The following ZNF879 variants were observed in gnomAD, a reference collection of about 807,000 sequenced individuals.
The protein encoded by ZNF879 is zinc finger protein 879.
A neutral mutation model predicts 44.3 loss-of-function variants in ZNF879; 32 were observed. The ratio of observed to expected loss-of-function variants is 0.72; its 90% CI spans 0.54 to 0.97. The LOEUF is 0.97. Ranked by LOEUF, ZNF879 falls within the 50% of genes least tolerant of loss-of-function variation. The pLI, the probability that ZNF879 is intolerant of heterozygous loss-of-function variation, is 0.00. For synonymous variants in ZNF879, 234 were observed against 233.2 expected, an observed-to-expected ratio of 1.00 and a Z score of -0.03; for missense variants, 621 against 669.7, an observed-to-expected ratio of 0.93 and a Z score of 0.80.
Position 179,033,935 on chromosome 5 carries a change from C to A in ZNF879, c.*295C>A, listed in dbSNP as rs557745312. 10 of 226,892 alleles carry A rather than the reference C, an allele frequency of 4.4e-5. No homozygotes were observed. Among genetic ancestry groups the A allele is most frequent in the African/African-American group, 2.3e-4 (10 of 44,190 alleles). The allele number at this position is 226,892 out of a possible 1,614,324, so 14.1% of individuals were successfully genotyped here. A position where few individuals can be genotyped will look rare whatever the true frequency, so the allele number is the denominator to read the frequency against. On this transcript the variant is annotated 3_prime_UTR_variant, in exon 5 of 5. Coordinates refer to ENST00000444149, the MANE Select transcript of ZNF879 (RefSeq NM_001136116.3). ...ATGTACGATAACAGCCACCAGCTTT[C>A]CTGAGCATCACTGGGAAGCCTGCTG...
At chr5:179,024,743 C>T (rs1162919235) in intron 1 of ZNF879, 1 of 520,612 alleles carries the variant, frequency 1.9e-6, no homozygotes, top group South Asian at 2.7e-5. Context: ...CCCTTCGCTC[C>T]TTTCGTCTTT....
At chr5:179,026,296 A>G (rs1057506448) in intron 2 of ZNF879, among the ~76,000 whole-genome samples, 3 of 152,162 alleles carry the variant, frequency 2.0e-5, no homozygotes, top group African/African-American at 7.2e-5. Context: ...GGTGACCAGG[A>G]TGCTGTTATT....
intron 3 of ZNF879, 50 bp from the exon 4 acceptor site, chr5:179,027,974 TGGGGCTGG>T: frequency 1.4e-6 from 2 of 1,477,360 alleles, no homozygotes; most frequent in Non-Finnish European, 1.9e-6. Context: ...CTGGGCACTC[TGGGGCTGG>T]ACCCGCCTGC....
rs184444586 is a variant in ZNF879, at chr5:179,025,842, G to A, written c.33+805G>A. Among the ~76,000 whole-genome samples, 1,490 of 152,096 alleles carry A rather than the reference G, an allele frequency of 9.8e-3. 23 individuals carry two copies. Among genetic ancestry groups the A allele is most frequent in the African/African-American group, 0.034 (1,419 of 41,496 alleles). Reference sequence around the variant, plus strand: ...TGAGGCAGGAGAATCACTTGAACCCGGGAGGCAGGGGTTGAAGCGAGCGGA... The same window carrying A: ...TGAGGCAGGAGAATCACTTGAACCCAGGAGGCAGGGGTTGAAGCGAGCGGA... On this transcript the variant is annotated intron_variant, in intron 2 of 4. Coordinates refer to ENST00000444149, the MANE Select transcript of ZNF879 (RefSeq NM_001136116.3).
intron 4 of ZNF879, among the ~76,000 whole-genome samples, chr5:179,030,523 A>G (rs956152137): frequency 6.6e-6 from 1 of 152,224 alleles, no homozygotes; most frequent in Non-Finnish European, 1.5e-5. Context: ...ACATGGAGAG[A>G]AGCTCATGAT....
At position 179,033,102 on chromosome 5, in the gene ZNF879, C is replaced by G. The variant is rs1761480912; in HGVS notation, c.1154C>G (p.Ser385Ter). 6.4e-7 allele frequency: 1 copy of G among 1,574,346 alleles called. No homozygotes were observed. Among genetic ancestry groups the G allele is most frequent in the African/African-American group, 1.4e-5 (1 of 73,532 alleles). ...NECGKVFSYH[S>*]ALIIHQRIHT... is the part of the protein sequence containing the mutation. ...TGTGGAAAAGTATTCAGCTATCACT[C>G]AGCCCTTATCATACATCAGAGAATT... The change falls in exon 5 of 5, where the codon TCA becomes TGA. Residue 385 changes from serine to a stop codon, truncating the protein, a stop_gained. Transcript: ENST00000444149. LOFTEE classifies it high-confidence loss of function.
At chr5:179,027,395 A>T in intron 2 of ZNF879, 78 bp from the exon 3 acceptor site, 2 of 1,569,838 alleles carry the variant, frequency 1.3e-6, no homozygotes, top group Non-Finnish European at 1.7e-6. Context: ...TAGAACCCTA[A>T]GTTGTGACAG....
chr5:179,030,715 TATG>T (rs1761394285), intron 4 of ZNF879, among the ~76,000 whole-genome samples: 1 of 151,908 alleles, frequency 6.6e-6, no homozygotes, highest in African/African-American at 2.4e-5. Flanking sequence ...GTGTTTTTCT[TATG>T]ATGATATATT....
In ZNF879 at chr5:179,032,912, G is replaced by A. The variant is rs772528683; in HGVS notation, c.964G>A (p.Gly322Arg). 3 of 1,570,202 alleles carry A rather than the reference G, an allele frequency of 1.9e-6. No homozygotes were observed. In the South Asian group the frequency reaches 3.5e-5, roughly 18 times the overall value. ...GAAGCCCTATAAGTGTAATGAATGT[G>A]GGAGGGCCTTCAGTCAGTGCTCATC... ...GEKPYKCNECGRAFSQCSSLI... is the reference protein window; with the variant it reads ...GEKPYKCNECRRAFSQCSSLI... Residue 322 changes from glycine to arginine, a missense_variant, in exon 5 of 5, where the codon GGG becomes AGG. Physicochemically the swap from Gly to Arg is moderately radical, Grantham distance 125 (BLOSUM62 -2). Transcript: ENST00000444149.
At chr5:179,031,190 G>C (rs1246652726) in intron 4 of ZNF879, among the ~76,000 whole-genome samples, 2 of 152,146 alleles carry the variant, frequency 1.3e-5, no homozygotes, top group Non-Finnish European at 2.9e-5. Context: ...CAACCAGAGT[G>C]ATCCTTTTTA....
At position 179,032,344 on chromosome 5, in the gene ZNF879, CA is replaced by C; in HGVS notation, c.401del (p.Lys134ArgfsTer9). 1 of 1,550,980 alleles carries C rather than the reference CA, an allele frequency of 6.4e-7. No individual in the cohort carries two copies. The highest frequency in any genetic ancestry group is 1.4e-5 in the African/African-American group (1 of 73,092). On this transcript the variant is annotated frameshift_variant, in exon 5 of 5. Coordinates refer to ENST00000444149, the MANE Select transcript of ZNF879 (RefSeq NM_001136116.3). LOFTEE classifies it high-confidence loss of function. The stretch of plus-strand genomic sequence containing the variant: ...AAGATAAGTTAGAGAAGCAACAAGG[CA>C]AAAAGAACAGACTTTTCAGTAAAGT... ...NEDKLEKQQG[K>X]KNRLFSKVLV...
At chr5:179,028,197 G>A (rs10464075) in intron 4 of ZNF879, 70 bp downstream of exon 4, 509,549 of 1,392,548 alleles carry the variant, frequency 0.37, 97,349 homozygotes, top group South Asian at 0.53. Context: ...AGGAGGCTGC[G>A]CTCAAGGGTC....
intron 4 of ZNF879, 105 bp from the exon 5 acceptor site, chr5:179,032,095 CCTTTT>C (rs1208049401): frequency 1.1e-6 from 1 of 875,736 alleles, no homozygotes; most frequent in Non-Finnish European, 1.7e-6. Context: ...TTTTTCCCAT[CCTTTT>C]CTAAGATTTC....
Position 179,034,178 on chromosome 5 carries a change from T to C in ZNF879, c.*538T>C, listed in dbSNP as rs944270430. The stretch of plus-strand genomic sequence containing the variant: ...AAGACTTTGAATTGTTTCTCTGCTT[T>C]CTAAGCCATTCACCTGAGAAGAAAA... On this transcript the variant is annotated 3_prime_UTR_variant, in exon 5 of 5. Transcript: ENST00000444149. 2 of 152,458 alleles carry C rather than the reference T, an allele frequency of 1.3e-5. No homozygotes were observed. The highest frequency in any genetic ancestry group is 2.9e-5 in the Non-Finnish European group (2 of 68,226). 9.4% of individuals were successfully genotyped at this position (152,458 alleles called of 1,614,324 possible).
chr5:179,024,132 G>A (rs1022781382), intron 1 of ZNF879, among the ~76,000 whole-genome samples: 1 of 152,212 alleles, frequency 6.6e-6, no homozygotes, highest in Non-Finnish European at 1.5e-5. Context: ...AGCCTGGGCC[G>A]GACTCCGGGG....
At chr5:179,029,043 A>C (rs534770116) in intron 4 of ZNF879, among the ~76,000 whole-genome samples, 2 of 149,106 alleles carry the variant, frequency 1.3e-5, no homozygotes, top group East Asian at 3.9e-4. Flanking sequence ...GTCAAAAATC[A>C]GTTGTTTTTT....
Position 179,028,140 on chromosome 5 carries a change from G to T in ZNF879, c.256+13G>T. On this transcript the variant is annotated intron_variant, in intron 4 of 4. Coordinates refer to ENST00000444149, the MANE Select transcript of ZNF879 (RefSeq NM_001136116.3). ...GGCGCACATCTCGGTGAGTGACAGA[G>T]TAATTGGGAGATGGGCATAACATTT... 6.4e-7 allele frequency: 1 copy of T among 1,550,454 alleles called. No individual in the cohort carries two copies. The highest frequency in any genetic ancestry group is 8.7e-7 in the Non-Finnish European group (1 of 1,145,972).
chr5:179,026,542 G>A (rs1761275671), intron 2 of ZNF879, among the ~76,000 whole-genome samples: 1 of 152,140 alleles, frequency 6.6e-6, no homozygotes, highest in African/African-American at 2.4e-5. Flanking sequence ...GAGTGCAGTA[G>A]TGTGATCACA....
At chr5:179,027,391 C>T (rs778384120) in intron 2 of ZNF879, 82 bp from the exon 3 acceptor site, 7 of 1,559,236 alleles carry the variant, frequency 4.5e-6, no homozygotes, top group Middle Eastern at 1.7e-4. Context: ...TACTTAGAAC[C>T]CTAAGTTGTG....
Sources: allele counts gnomAD v4.1 joint callset (sites outside exome capture counted in the v4.1 genomes callset), GRCh38; gene constraint gnomAD v4.1.1; transcripts MANE v1.5; gene names NCBI Gene and HGNC (gene_info 2026-07-23, HGNC 2026-07-21).